PLAC1: variants seen among roughly 807,000 people sequenced by gnomAD.
The protein encoded by PLAC1 is placenta-specific protein 1.
For missense variants in PLAC1, 136 were observed against 163.2 expected, an observed-to-expected ratio of 0.83 and a Z score of 0.91; for synonymous variants, 68 against 62.1, an observed-to-expected ratio of 1.09 and a Z score of -0.44.
At chrX:134,699,038 A>G (rs1334894884) in intron 2 of PLAC1, among the ~76,000 whole-genome samples, 1 of 111,220 alleles carries the variant, frequency 9.0e-6, no homozygotes, top group Admixed American at 9.6e-5. Flanking sequence ...ATATACTTCA[A>G]ATCTCTACCT....
At chrX:134,605,320 A>G (rs5978020) in intron 1 of PLAC1, among the ~76,000 whole-genome samples, 118 of 111,816 alleles carry the variant, frequency 1.1e-3, no homozygotes, top group Middle Eastern at 4.6e-3. Flanking sequence ...AGGGGATCAT[A>G]CCCAGTCACT....
intron 1 of PLAC1, among the ~76,000 whole-genome samples, chrX:134,640,461 C>T (rs1188875453): frequency 8.9e-6 from 1 of 111,836 alleles, no homozygotes; most frequent in African/African-American, 3.3e-5. Context: ...CTCATCTAGC[C>T]CTTTTTCCTT....
chrX:134,583,246 C>CTTGTTTTGTT lies in PLAC1; in HGVS notation c.-58-16516_-58-16507dup, dbSNP rs74700324. ...TTGATATAATGATAAGGAGGGTTTT[C>CTTGTTTTGTT]TTGTTTTGTTTTGTTTTAATTTTTT... is the stretch of plus-strand genomic sequence containing the variant. On this transcript the variant is annotated intron_variant, in intron 2 of 2. Coordinates refer to ENST00000359237, the MANE Select transcript of PLAC1 (RefSeq NM_021796.4). Among the ~76,000 whole-genome samples, 38 of 106,071 alleles carry CTTGTTTTGTT rather than the reference C, an allele frequency of 3.6e-4. No homozygotes were observed. In the South Asian group the frequency reaches 0.015, roughly 43 times the overall value. 92.1% of individuals were successfully genotyped at this position (106,071 alleles called of 115,157 possible).
rs754019121 is a variant in PLAC1, at chrX:134,704,573, T to C, written n.174+28862A>G. Among the ~76,000 whole-genome samples the C allele has an allele frequency of 1.2e-4, 12 of 103,221 alleles. 1 individual carries two copies. In the South Asian group the frequency reaches 4.9e-3, roughly 42 times the overall value. The allele number at this position is 103,221 out of a possible 115,157, so 89.6% of individuals were successfully genotyped here. A position where few individuals can be genotyped will look rare whatever the true frequency, so the allele number is the denominator to read the frequency against. On this transcript the variant is annotated intron_variant and non_coding_transcript_variant, in intron 2 of 2. Transcript: ENST00000466797. ...ATATAAAACAAAATGAAAAAATAAA[T>C]CTAAGCATAACAGAAATCACAATAA...
At chrX:134,672,683 A>G (rs2078459681) in intron 2 of PLAC1, among the ~76,000 whole-genome samples, 1 of 112,513 alleles carries the variant, frequency 8.9e-6, no homozygotes, top group Admixed American at 9.3e-5. Context: ...CATAAATGTT[A>G]CCCCAAAAGG....
At chrX:134,684,976 CAT>C (rs1398034803) in intron 2 of PLAC1, among the ~76,000 whole-genome samples, 1 of 112,377 alleles carries the variant, frequency 8.9e-6, no homozygotes, top group Admixed American at 9.4e-5. Context: ...TTTCTCTATT[CAT>C]GGCAAAAGGT....
At chrX:134,656,202 C>G (rs769974187) in intron 1 of PLAC1, among the ~76,000 whole-genome samples, 1 of 112,497 alleles carries the variant, frequency 8.9e-6, no homozygotes, top group African/African-American at 3.2e-5. Flanking sequence ...TTTCTTCAGT[C>G]AGAGCCAGCT....
chrX:134,742,961 GA>G (rs1327440719), intron 1 of PLAC1, among the ~76,000 whole-genome samples: 1 of 111,847 alleles, frequency 8.9e-6, no homozygotes, highest in African/African-American at 3.3e-5. Flanking sequence ...AACAGAAACA[GA>G]AAGACAAGAA....
At chrX:134,654,509 T>C (rs1172704411) in intron 1 of PLAC1, among the ~76,000 whole-genome samples, 2 of 109,860 alleles carry the variant, frequency 1.8e-5, no homozygotes, top group Admixed American at 9.6e-5. Context: ...ATAACTGTAC[T>C]GAAAGAATGA....
At chrX:134,673,589 C>T (rs1336470754) in intron 2 of PLAC1, among the ~76,000 whole-genome samples, 1 of 109,784 alleles carries the variant, frequency 9.1e-6, no homozygotes, top group African/African-American at 3.3e-5. Context: ...CCATAGGATG[C>T]AGAGACCACC....
chrX:134,600,419 G>T (rs368833854), intron 2 of PLAC1, among the ~76,000 whole-genome samples: 6 of 111,841 alleles, frequency 5.4e-5, no homozygotes, highest in East Asian at 5.6e-4. Flanking sequence ...CACCCACCTT[G>T]GCCTCCCAAA....
chrX:134,728,900 G>A (rs779513597), intron 2 of PLAC1, among the ~76,000 whole-genome samples: 6 of 111,256 alleles, frequency 5.4e-5, no homozygotes, highest in Non-Finnish European at 9.4e-5. Flanking sequence ...GAAATGGGGA[G>A]GTAGTGTACC....
At chrX:134,597,087 T>C (rs1293439449) in intron 2 of PLAC1, among the ~76,000 whole-genome samples, 2 of 111,555 alleles carry the variant, frequency 1.8e-5, no homozygotes, top group African/African-American at 6.5e-5. Context: ...TGAAATACTT[T>C]TCAGTCCTAG....
At chrX:134,721,043 A>G (rs1378860298) in intron 2 of PLAC1, among the ~76,000 whole-genome samples, 1 of 112,897 alleles carries the variant, frequency 8.9e-6, no homozygotes, top group Non-Finnish European at 1.9e-5. Context: ...TTTGCAAGTC[A>G]TATATCTGAT....
At chrX:134,714,669 G>C (rs754760203) in intron 2 of PLAC1, among the ~76,000 whole-genome samples, 33 of 110,516 alleles carry the variant, frequency 3.0e-4, no homozygotes, top group Middle Eastern at 4.6e-3. Context: ...CCAGCCCCTG[G>C]CAACCCCCAT....
At chrX:134,695,911 T>C (rs900998136) in intron 2 of PLAC1, among the ~76,000 whole-genome samples, 12 of 110,502 alleles carry the variant, frequency 1.1e-4, no homozygotes, top group African/African-American at 4.0e-4. Context: ...AAGTTTTAGA[T>C]GAAAAGCACT....
intron 2 of PLAC1, among the ~76,000 whole-genome samples, chrX:134,711,827 C>G (rs1299909777): frequency 2.7e-5 from 3 of 110,812 alleles, no homozygotes; most frequent in African/African-American, 6.6e-5. Context: ...CCTCCTCCCT[C>G]CCATCAGATA....
At chrX:134,691,385 G>A (rs1004595416) in intron 2 of PLAC1, among the ~76,000 whole-genome samples, 3 of 110,876 alleles carry the variant, frequency 2.7e-5, no homozygotes, top group Non-Finnish European at 3.8e-5. Context: ...AATGACTTCC[G>A]AGCAGGGCAG....
At chrX:134,665,234 C>A (rs1287879752) in intron 2 of PLAC1, among the ~76,000 whole-genome samples, 1 of 111,370 alleles carries the variant, frequency 9.0e-6, no homozygotes, top group Non-Finnish European at 1.9e-5. Flanking sequence ...GGTCATTATC[C>A]CCTAAGGGTC....
Sources: allele counts gnomAD v4.1 joint callset (sites outside exome capture counted in the v4.1 genomes callset), GRCh38; gene constraint gnomAD v4.1.1; transcripts MANE v1.5; gene names NCBI Gene and HGNC (gene_info 2026-07-23, HGNC 2026-07-21).